The following GNG7 variants were observed in gnomAD, a reference collection of about 807,000 sequenced individuals.
GNG7 encodes the protein guanine nucleotide-binding protein G(I)/G(S)/G(O) subunit gamma-7.
Under a neutral mutation model 4.0 loss-of-function variants are expected in GNG7, and 1 was observed. The ratio of observed to expected loss-of-function variants is 0.25; its 90% CI spans 0.09 to 1.18. The LOEUF (loss-of-function observed/expected upper bound fraction) is 1.18, where lower values mean the gene tolerates loss of function less well. Among genes scored for constraint, GNG7 ranks in the 50% most tolerant of loss-of-function variants. The pLI, the probability that GNG7 is intolerant of heterozygous loss-of-function variation, is 0.50. For synonymous variants in GNG7, 34 were observed against 36.9 expected (o/e 0.92, Z 0.29); for missense variants, 86 against 91.9 (o/e 0.94, Z 0.26).
chr19:2,616,224 A>G (rs1981719708), intron 2 of GNG7, among the ~76,000 whole-genome samples: 1 of 151,956 alleles, frequency 6.6e-6, no homozygotes, highest in Non-Finnish European at 1.5e-5. Context: ...GCCTGGGCAA[A>G]ATAGTGAGAC....
At chr19:2,625,584 T>C (rs1982000014) in intron 2 of GNG7, among the ~76,000 whole-genome samples, 1 of 151,974 alleles carries the variant, frequency 6.6e-6, no homozygotes, top group East Asian at 1.9e-4. Context: ...GCCACCAACT[T>C]GTAGAAGGGC....
intron 1 of GNG7, among the ~76,000 whole-genome samples, chr19:2,654,658 A>T (rs1195673448): frequency 6.6e-6 from 1 of 152,252 alleles, no homozygotes; most frequent in East Asian, 1.9e-4. Context: ...GAGGAGGAGA[A>T]TCCCGGGAAC....
At chr19:2,668,048 G>T (rs1384490699) in intron 1 of GNG7, among the ~76,000 whole-genome samples, 1 of 152,196 alleles carries the variant, frequency 6.6e-6, no homozygotes. Flanking sequence ...TGAACAGAGT[G>T]CAGACTTGGG....
At chr19:2,601,384 C>T (rs1346637227) in intron 2 of GNG7, among the ~76,000 whole-genome samples, 1 of 152,148 alleles carries the variant, frequency 6.6e-6, no homozygotes, top group African/African-American at 2.4e-5. Context: ...GTTTCCCCAG[C>T]CATGTGGACT....
chr19:2,654,827 G>A (rs947669958), intron 1 of GNG7, among the ~76,000 whole-genome samples: 2 of 152,102 alleles, frequency 1.3e-5, no homozygotes, highest in African/African-American at 4.8e-5. Flanking sequence ...CTGGGCTGGG[G>A]CCATCCTGGG....
At chr19:2,604,483 AAATG>A (rs1981313139) in intron 2 of GNG7, among the ~76,000 whole-genome samples, 1 of 140,980 alleles carries the variant, frequency 7.1e-6, no homozygotes, top group Non-Finnish European at 1.5e-5. Context: ...AAAAAAAAAA[AAATG>A]AATGAAAGGA....
intron 1 of GNG7, among the ~76,000 whole-genome samples, chr19:2,656,245 C>T (rs1475827700): frequency 6.6e-6 from 1 of 152,208 alleles, no homozygotes; most frequent in Middle Eastern, 3.2e-3. Context: ...CAGAATCTGT[C>T]AGCCTCATTC....
At position 2,689,622 on chromosome 19, in the gene GNG7, CAAAAAAAAAAA is replaced by C. The variant is rs58020172; in HGVS notation, c.-135+13013_-135+13023del. ...TGGGCTACAGAGTGAGACTCCAACT[CAAAAAAAAAAA>C]AAAAAAAAAAAAAAAACCATATTCG... On this transcript the variant is annotated intron_variant, in intron 1 of 4. Transcript: ENST00000382159. 5.0e-4 allele frequency among the ~76,000 whole-genome samples: 19 copies of C among 37,944 alleles called. No homozygotes were observed. The Admixed American group carries it at 5.4e-3, about 11-fold the overall frequency. The allele number at this position is 37,944 out of a possible 152,430, so 24.9% of individuals were successfully genotyped here. A position where few individuals can be genotyped will look rare whatever the true frequency, so the allele number is the denominator to read the frequency against.
Position 2,577,935 on chromosome 19 carries a change from G to C in GNG7, c.-77-22747C>G, listed in dbSNP as rs558654523. Among the ~76,000 whole-genome samples, 73 of 151,368 alleles carry C rather than the reference G, an allele frequency of 4.8e-4. 2 individuals are homozygous for C. In the East Asian group the frequency reaches 0.012, roughly 25 times the overall value. On this transcript the variant is annotated intron_variant, in intron 2 of 4. Transcript: ENST00000382159. ...GCTCACTGCAGCCTCAACCTCCCAG[G>C]CTCCAGATCCTCCCACCTCAGCCCC...
rs752802451 is a variant in GNG7 at position 2,513,619 on chromosome 19, A to G, written c.*1403T>C. The G allele has an allele frequency of 3.2e-5, 31 of 980,358 alleles. No homozygotes were observed. The highest frequency in any genetic ancestry group is 1.4e-4 in the South Asian group (3 of 21,186). The allele number at this position is 980,358 out of a possible 1,614,324, so 60.7% of individuals were successfully genotyped here. A position where few individuals can be genotyped will look rare whatever the true frequency, so the allele number is the denominator to read the frequency against. On this transcript the variant is annotated 3_prime_UTR_variant, in exon 5 of 5. Coordinates refer to ENST00000382159, the MANE Select transcript of GNG7 (RefSeq NM_052847.3). ...GCCTCAGACAGCCGTCCTGGGTTGC[A>G]CGGGGGTGGAAAAGCAAAAAGATCG...
At chr19:2,575,988 C>G (rs113231376) in intron 2 of GNG7, among the ~76,000 whole-genome samples, 17 of 87,528 alleles carry the variant, frequency 1.9e-4, no homozygotes, top group African/African-American at 3.1e-4. Context: ...GGCAGACACA[C>G]ACATGCTCAC....
chr19:2,568,540 CATACACATATAT>C (rs2144777907), intron 2 of GNG7, among the ~76,000 whole-genome samples: 1 of 150,188 alleles, frequency 6.7e-6, no homozygotes, highest in South Asian at 2.1e-4. Context: ...CATATACACA[CATACACATATAT>C]ATACACACAT....
Position 2,624,485 on chromosome 19 carries a change from T to C in GNG7, c.-78+21739A>G, listed in dbSNP as rs372492005. Among the ~76,000 whole-genome samples the C allele has an allele frequency of 1.0e-4, 15 of 144,710 alleles. No individual in the cohort carries two copies. In the East Asian group the frequency reaches 2.0e-3, roughly 19 times the overall value. The allele number at this position is 144,710 out of a possible 152,430, so 94.9% of individuals were successfully genotyped here. A position where few individuals can be genotyped will look rare whatever the true frequency, so the allele number is the denominator to read the frequency against. On this transcript the variant is annotated intron_variant, in intron 2 of 4. Transcript: ENST00000382159. ...GGCGGAGCTTGCAGTGAGCCGAGAT[T>C]GTGCCACTTAACTCCAGCCTGGGAG...
chr19:2,585,997 G>A (rs904328962), intron 2 of GNG7, among the ~76,000 whole-genome samples: 6 of 152,150 alleles, frequency 3.9e-5, no homozygotes, highest in African/African-American at 1.2e-4. Flanking sequence ...GCCGTGCCCC[G>A]GCCAAAATGT....
At position 2,597,895 on chromosome 19, in the gene GNG7, C is replaced by CA. The variant is rs71178295; in HGVS notation, c.-77-42708dup. Among the ~76,000 whole-genome samples, 200 of 118,300 alleles carry CA rather than the reference C, an allele frequency of 1.7e-3. 2 individuals carry two copies. The highest frequency in any genetic ancestry group is 4.3e-3 in the Middle Eastern group (1 of 232). 77.6% of individuals were successfully genotyped at this position (118,300 alleles called of 152,430 possible). A position where few individuals can be genotyped will look rare whatever the true frequency, so the allele number is the denominator to read the frequency against. On this transcript the variant is annotated intron_variant, in intron 2 of 4. Coordinates refer to ENST00000382159, the MANE Select transcript of GNG7 (RefSeq NM_052847.3). ...TGGGCAACAGAGTGAGACTCTGTTTCAAAAAAAAAAAAAAAAAAGAAATTA... is the reference window on the plus strand; with the variant it reads ...TGGGCAACAGAGTGAGACTCTGTTTCAAAAAAAAAAAAAAAAAAAGAAATTA...
intron 1 of GNG7, among the ~76,000 whole-genome samples, chr19:2,685,810 G>A (rs111772174): frequency 0.017 from 2,530 of 152,166 alleles, 33 homozygotes; most frequent in Non-Finnish European, 0.026. Context: ...GGCAGGGGAC[G>A]GCCTTGAACA....
intron 1 of GNG7, among the ~76,000 whole-genome samples, chr19:2,647,900 C>T (rs377605301): frequency 1.3e-5 from 2 of 151,328 alleles, no homozygotes; most frequent in African/African-American, 2.4e-5. Context: ...TGGTGGTGGG[C>T]GCCCGTAATC....
chr19:2,544,485 G>A (rs563390343), intron 3 of GNG7, among the ~76,000 whole-genome samples: 2 of 152,222 alleles, frequency 1.3e-5, no homozygotes, highest in African/African-American at 4.8e-5. Context: ...CCCGGGTTCA[G>A]GAGATTCTCC....
At position 2,633,969 on chromosome 19, in the gene GNG7, C is replaced by A. The variant is rs1982239991; in HGVS notation, c.-78+12255G>T. ...GTGCAAAATTGCCCCGAGTTGAGAC[C>A]CCCTGGGATAGGGGATTCCACGGAC... On this transcript the variant is annotated intron_variant, in intron 2 of 4. Transcript: ENST00000382159. This position sits in a 1 kb window ranked among gnomAD's most constrained non-coding sequence, Gnocchi z 5.9. Among the ~76,000 whole-genome samples the A allele has an allele frequency of 6.6e-6, 1 of 152,056 alleles. No homozygotes were observed. Among genetic ancestry groups the A allele is most frequent in the African/African-American group, 2.4e-5 (1 of 41,420 alleles).
Sources: gnomAD v4.1 joint callset for allele counts (sites outside exome capture counted in the v4.1 genomes callset) on GRCh38, gnomAD v4.1.1 for gene constraint, Gnocchi (gnomAD v3.1) non-coding constraint, MANE v1.5 for transcripts, NCBI Gene and HGNC (gene_info 2026-07-23, HGNC 2026-07-21) for gene names.